The following OPCML variants were observed in gnomAD, a reference collection of about 807,000 sequenced individuals.
OPCML encodes the protein opioid-binding protein/cell adhesion molecule.
OPCML carries 13 observed loss-of-function variants against 37.8 expected under a neutral mutation model. That is an observed-to-expected ratio of 0.34 (90% CI 0.22 to 0.55). The LOEUF is 0.55. Among genes scored for constraint, OPCML ranks in the 20% least tolerant of loss-of-function variants. The pLI is 0.91. For synonymous variants in OPCML, 176 were observed against 168.8 expected (o/e 1.04, Z -0.33); for missense variants, 341 against 435.6 (o/e 0.78, Z 1.93).
Position 133,414,048 on chromosome 11 carries a change from CAGA to C in OPCML, c.61+118213_61+118215del, listed in dbSNP as rs1403759042. Among the ~76,000 whole-genome samples the C allele has an allele frequency of 4.6e-5, 7 of 152,154 alleles. No homozygotes were observed. In the East Asian group the frequency reaches 9.7e-4, roughly 21 times the overall value. ...TGCTTAGAGCCAGGCAGGTTTAAGA[CAGA>C]AGAAATACAAGCGTTTACAGTCATT... On this transcript the variant is annotated intron_variant, in intron 1 of 7. Coordinates refer to ENST00000524381, the MANE Select transcript of OPCML (RefSeq NM_001012393.5).
intron 2 of OPCML, among the ~76,000 whole-genome samples, chr11:132,925,217 A>C (rs542448447): frequency 6.6e-6 from 1 of 152,324 alleles, no homozygotes; most frequent in South Asian, 2.1e-4. Flanking sequence ...TGAGCACAGT[A>C]ATTTCAAACT....
At chr11:133,415,281 G>A (rs2136878677) in intron 1 of OPCML, among the ~76,000 whole-genome samples, 1 of 151,560 alleles carries the variant, frequency 6.6e-6, no homozygotes, top group East Asian at 1.9e-4. Context: ...GTGGTGGCGG[G>A]CGCCTGTAGT....
At chr11:133,368,133 C>G (rs1232425601) in intron 1 of OPCML, among the ~76,000 whole-genome samples, 2 of 151,986 alleles carry the variant, frequency 1.3e-5, no homozygotes, top group African/African-American at 4.8e-5. Flanking sequence ...GAAAAATCCT[C>G]ACACTTTCAC....
At chr11:132,573,067 C>T (rs1204751755) in intron 3 of OPCML, among the ~76,000 whole-genome samples, 1 of 151,730 alleles carries the variant, frequency 6.6e-6, no homozygotes, top group African/African-American at 2.4e-5. Context: ...TTAGTATATA[C>T]AAACACAACT....
At chr11:132,799,221 C>A (rs1938503667) in intron 2 of OPCML, among the ~76,000 whole-genome samples, 1 of 152,120 alleles carries the variant, frequency 6.6e-6, no homozygotes, top group Admixed American at 6.5e-5. Context: ...CATTGAAAAT[C>A]TCTTGTTGAG....
intron 3 of OPCML, among the ~76,000 whole-genome samples, chr11:132,621,589 A>T (rs1939412976): frequency 6.6e-6 from 1 of 152,184 alleles, no homozygotes; most frequent in African/African-American, 2.4e-5. Flanking sequence ...AGCTGAGGAG[A>T]GGCACACTAG....
intron 2 of OPCML, among the ~76,000 whole-genome samples, chr11:132,690,286 C>G (rs896747026): frequency 6.6e-6 from 1 of 152,078 alleles, no homozygotes; most frequent in African/African-American, 2.4e-5. Context: ...TCTGGAAGAC[C>G]TATTAAAACA....
intron 1 of OPCML, among the ~76,000 whole-genome samples, chr11:133,502,074 G>T (rs981354396): frequency 2.6e-5 from 4 of 151,438 alleles, no homozygotes; most frequent in African/African-American, 7.3e-5. Context: ...TGCCCAAAGT[G>T]CATCTCTGAC....
At chr11:132,469,851 GTA>G in intron 4 of OPCML, among the ~76,000 whole-genome samples, 1 of 134,512 alleles carries the variant, frequency 7.4e-6, no homozygotes, top group East Asian at 2.6e-4. Context: ...GTATGTGTGT[GTA>G]TGTATGTGTG....
At chr11:133,369,184 C>G (rs1944619403) in intron 1 of OPCML, among the ~76,000 whole-genome samples, 1 of 152,110 alleles carries the variant, frequency 6.6e-6, no homozygotes, top group Non-Finnish European at 1.5e-5. Context: ...CCTGGCTTAG[C>G]TTGTAACAAA....
chr11:133,531,968 A>G (rs1948615194), intron 1 of OPCML, among the ~76,000 whole-genome samples: 1 of 152,148 alleles, frequency 6.6e-6, no homozygotes. Flanking sequence ...GGTTAATGCC[A>G]GTTGGTGACT....
At chr11:133,098,522 T>A (rs1292640727) in intron 1 of OPCML, among the ~76,000 whole-genome samples, 1 of 152,148 alleles carries the variant, frequency 6.6e-6, no homozygotes, top group Admixed American at 6.5e-5. Flanking sequence ...TTCGGCTGGT[T>A]AAACATTCTA....
intron 1 of OPCML, among the ~76,000 whole-genome samples, chr11:133,482,388 CG>C (rs1028033666): frequency 4.6e-5 from 7 of 152,232 alleles, no homozygotes; most frequent in African/African-American, 1.7e-4. Flanking sequence ...CGGTTTCATA[CG>C]GGAAAGCATG....
At chr11:133,375,330 G>A (rs1365781252) in intron 1 of OPCML, among the ~76,000 whole-genome samples, 1 of 152,206 alleles carries the variant, frequency 6.6e-6, no homozygotes, top group Non-Finnish European at 1.5e-5. Flanking sequence ...AGGACAGGAT[G>A]GATTCATCTT....
At chr11:133,049,844 G>A (rs1948097010) in intron 1 of OPCML, among the ~76,000 whole-genome samples, 1 of 152,192 alleles carries the variant, frequency 6.6e-6, no homozygotes, top group South Asian at 2.1e-4. Flanking sequence ...TTTCCAGTTA[G>A]CTGGGCTGCC....
chr11:133,064,439 T>C (rs541038601), intron 1 of OPCML, among the ~76,000 whole-genome samples: 1 of 152,344 alleles, frequency 6.6e-6, no homozygotes, highest in South Asian at 2.1e-4. Context: ...CAACAGTTGA[T>C]CTGTGGCAGC....
chr11:132,643,928 T>A (rs1420547950), intron 3 of OPCML, among the ~76,000 whole-genome samples: 2 of 152,288 alleles, frequency 1.3e-5, no homozygotes, highest in Admixed American at 6.5e-5. Context: ...GAGACCAAAC[T>A]TTTTGTCCTC....
chr11:133,434,242 C>A (rs1225173665), intron 1 of OPCML, among the ~76,000 whole-genome samples: 1 of 152,100 alleles, frequency 6.6e-6, no homozygotes, highest in African/African-American at 2.4e-5. Context: ...GTTTCCTCTA[C>A]TCAAAATGTC....
At chr11:133,049,090 A>C (rs979740068) in intron 1 of OPCML, among the ~76,000 whole-genome samples, 1 of 152,240 alleles carries the variant, frequency 6.6e-6, no homozygotes, top group Non-Finnish European at 1.5e-5. Flanking sequence ...AATGGCACAA[A>C]TATCCCTGCC....
Sources: gnomAD v4.1 joint callset for allele counts (sites outside exome capture counted in the v4.1 genomes callset) on GRCh38, gnomAD v4.1.1 for gene constraint, MANE v1.5 for transcripts, NCBI Gene and HGNC (gene_info 2026-07-23, HGNC 2026-07-21) for gene names.